CCSER1: variants seen among roughly 807,000 people sequenced by gnomAD.
The protein encoded by CCSER1 is coiled-coil serine rich protein 1.
A neutral mutation model predicts 82.0 loss-of-function variants in CCSER1; 41 were observed. The observed-to-expected ratio is 0.50, with a 90% CI of 0.39 to 0.65. CCSER1 has a LOEUF of 0.65. CCSER1 is among the 30% of genes least tolerant of loss of function. The pLI, the probability that CCSER1 is intolerant of heterozygous loss-of-function variation, is 0.00. For synonymous variants in CCSER1, 414 were observed against 383.9 expected, an observed-to-expected ratio of 1.08 and a Z score of -0.92; for missense variants, 1,119 against 1,064.2, an observed-to-expected ratio of 1.05 and a Z score of -0.72.
At chr4:90,723,175 G>A (rs1170227397) in intron 6 of CCSER1, among the ~76,000 whole-genome samples, 1 of 151,858 alleles carries the variant, frequency 6.6e-6, no homozygotes, top group Non-Finnish European at 1.5e-5. Flanking sequence ...CCTACTATTA[G>A]TATATTTTTC....
At chr4:91,338,152 G>A (rs960480637) in intron 10 of CCSER1, among the ~76,000 whole-genome samples, 2 of 152,070 alleles carry the variant, frequency 1.3e-5, no homozygotes, top group Non-Finnish European at 1.5e-5. Context: ...GATTGTTTGT[G>A]CACTTTCTTT....
At chr4:90,714,940 T>C (rs2149341427) in intron 6 of CCSER1, among the ~76,000 whole-genome samples, 1 of 148,008 alleles carries the variant, frequency 6.8e-6, no homozygotes, top group East Asian at 2.0e-4. Flanking sequence ...GTATGAATGG[T>C]AGTCATTGTG....
chr4:90,991,685 G>A (rs7679845), intron 9 of CCSER1, among the ~76,000 whole-genome samples: 4,029 of 152,016 alleles, frequency 0.027, 71 homozygotes, highest in African/African-American at 0.033. Flanking sequence ...TGCAAACCCT[G>A]TTTCCAAATA....
At chr4:91,060,850 T>C (rs1446749059) in intron 9 of CCSER1, among the ~76,000 whole-genome samples, 1 of 152,078 alleles carries the variant, frequency 6.6e-6, no homozygotes, top group Non-Finnish European at 1.5e-5. Context: ...TTTTCACATA[T>C]TCTCTCAGGG....
chr4:90,264,787 G>A (rs1328362279), intron 1 of CCSER1, among the ~76,000 whole-genome samples: 1 of 151,802 alleles, frequency 6.6e-6, no homozygotes, highest in Non-Finnish European at 1.5e-5. Context: ...TAATATTCCT[G>A]TCTGGATTAT....
chr4:90,608,743 C>T (rs769456198), intron 5 of CCSER1, among the ~76,000 whole-genome samples: 3 of 151,844 alleles, frequency 2.0e-5, no homozygotes, highest in Non-Finnish European at 4.4e-5. Flanking sequence ...ATAATATATT[C>T]TCACTTCTTA....
chr4:91,016,754 T>C (rs1428528594), intron 9 of CCSER1, among the ~76,000 whole-genome samples: 1 of 152,142 alleles, frequency 6.6e-6, no homozygotes, highest in African/African-American at 2.4e-5. Context: ...ATAAATTACA[T>C]GTCCCTAACT....
chr4:91,045,040 G>A (rs1002891451), intron 9 of CCSER1, among the ~76,000 whole-genome samples: 1 of 152,158 alleles, frequency 6.6e-6, no homozygotes, highest in African/African-American at 2.4e-5. Context: ...TGCCTAGGTT[G>A]TAGGCAGGGG....
At chr4:91,446,991 G>T (rs1755607586) in intron 10 of CCSER1, among the ~76,000 whole-genome samples, 1 of 152,008 alleles carries the variant, frequency 6.6e-6, no homozygotes, top group Non-Finnish European at 1.5e-5. Context: ...CTAAGTTAAG[G>T]GTAGCTGGAC....
intron 1 of CCSER1, among the ~76,000 whole-genome samples, chr4:90,220,752 G>A (rs1019822852): frequency 2.0e-5 from 3 of 152,198 alleles, no homozygotes; most frequent in Non-Finnish European, 4.4e-5. Flanking sequence ...ACCAGCTAGA[G>A]CTGGTCCTGA....
intron 5 of CCSER1, among the ~76,000 whole-genome samples, chr4:90,551,704 CTCTATA>C (rs1454897618): frequency 1.0e-4 from 11 of 107,534 alleles, no homozygotes; most frequent in Non-Finnish European, 1.6e-4. Flanking sequence ...CTCTCTCTCT[CTCTATA>C]TATATATATA....
At chr4:90,581,127 G>A (rs1781373644) in intron 5 of CCSER1, among the ~76,000 whole-genome samples, 1 of 151,850 alleles carries the variant, frequency 6.6e-6, no homozygotes, top group Admixed American at 6.6e-5. Context: ...ACAAAGATGG[G>A]TTAATAAATA....
chr4:90,942,953 T>C (rs1401257664), intron 9 of CCSER1, among the ~76,000 whole-genome samples: 2 of 148,194 alleles, frequency 1.3e-5, no homozygotes, highest in Non-Finnish European at 3.0e-5. Flanking sequence ...ATTTTTCATA[T>C]ATATATATAT....
intron 10 of CCSER1, among the ~76,000 whole-genome samples, chr4:91,392,396 C>T (rs1330965956): frequency 6.6e-6 from 1 of 151,882 alleles, no homozygotes; most frequent in Non-Finnish European, 1.5e-5. Flanking sequence ...CACACTTACA[C>T]ATTATAGAAA....
chr4:91,146,722 A>G (rs1304045302), intron 10 of CCSER1, among the ~76,000 whole-genome samples: 1 of 151,846 alleles, frequency 6.6e-6, no homozygotes, highest in African/African-American at 2.4e-5. Flanking sequence ...AAGGCTCTGT[A>G]TGGGTTTTTT....
At chr4:90,961,187 C>T (rs952047312) in intron 9 of CCSER1, among the ~76,000 whole-genome samples, 4 of 152,144 alleles carry the variant, frequency 2.6e-5, no homozygotes, top group Non-Finnish European at 4.4e-5. Context: ...TGTCATCATG[C>T]GTTCCTTATT....
chr4:90,260,918 G>A (rs1180048683), intron 1 of CCSER1, among the ~76,000 whole-genome samples: 1 of 152,038 alleles, frequency 6.6e-6, no homozygotes, highest in Non-Finnish European at 1.5e-5. Context: ...ATTTCACCAT[G>A]TTGGCCAGGC....
At chr4:91,051,744 C>G (rs1474016218) in intron 9 of CCSER1, among the ~76,000 whole-genome samples, 1 of 152,070 alleles carries the variant, frequency 6.6e-6, no homozygotes, top group Non-Finnish European at 1.5e-5. Flanking sequence ...TGTGCATTCA[C>G]AAAGTAATAT....
intron 9 of CCSER1, among the ~76,000 whole-genome samples, chr4:90,991,475 G>A (rs977910512): frequency 1.3e-5 from 2 of 151,774 alleles, no homozygotes; most frequent in African/African-American, 4.8e-5. Context: ...GTACTTCCAC[G>A]TATCCCTTGG....
Sources: allele counts gnomAD v4.1 joint callset (sites outside exome capture counted in the v4.1 genomes callset), GRCh38; gene constraint gnomAD v4.1.1; transcripts MANE v1.5; gene names NCBI Gene and HGNC (gene_info 2026-07-23, HGNC 2026-07-21).